GALNT13: variants seen among roughly 807,000 people sequenced by gnomAD.
GALNT13 encodes UDP-GalNAc:polypeptide N-acetylgalactosaminyltransferase 13.
GALNT13 carries 28 observed loss-of-function variants against 64.2 expected under a neutral mutation model. The observed-to-expected ratio is 0.44, with a 90% CI of 0.32 to 0.60. The LOEUF (loss-of-function observed/expected upper bound fraction) is 0.60, where lower values mean the gene tolerates loss of function less well. Ranked by LOEUF, GALNT13 falls within the 20% of genes least tolerant of loss-of-function variation. The probability of loss-of-function intolerance (pLI) is 0.05; values close to 1 mark genes in which losing one functional copy is unlikely to be tolerated. For synonymous variants in GALNT13, 214 were observed against 224.6 expected (o/e 0.95, Z 0.42); for missense variants, 577 against 669.8 (o/e 0.86, Z 1.53).
chr2:154,086,411 T>C (rs1322893009), intron 3 of GALNT13, among the ~76,000 whole-genome samples: 5 of 148,240 alleles, frequency 3.4e-5, no homozygotes, highest in Admixed American at 2.7e-4. Flanking sequence ...ATTATGTAAA[T>C]ATATAGAGTA....
the GALNT13 span, among the ~76,000 whole-genome samples, chr2:153,436,196 T>G: frequency 6.6e-6 from 1 of 152,222 alleles, no homozygotes; most frequent in Non-Finnish European, 1.5e-5. Context: ...TCATGGTAGA[T>G]AAGCTTTTTG....
At chr2:154,018,293 T>C (rs917749433) in intron 3 of GALNT13, among the ~76,000 whole-genome samples, 1 of 152,164 alleles carries the variant, frequency 6.6e-6, no homozygotes, top group African/African-American at 2.4e-5. Context: ...CTCCCAACCA[T>C]AGGAGAAGGA....
chr2:153,092,255 T>C, the GALNT13 span, among the ~76,000 whole-genome samples: 1 of 152,214 alleles, frequency 6.6e-6, no homozygotes, highest in Admixed American at 6.5e-5. Flanking sequence ...CTCTAGAGTA[T>C]AATTTGAAGT....
chr2:154,249,930 T>C (rs925405616), intron 7 of GALNT13, among the ~76,000 whole-genome samples: 3 of 152,132 alleles, frequency 2.0e-5, no homozygotes, highest in African/African-American at 7.2e-5. Context: ...TTAGTATCTC[T>C]GATTATAATT....
chr2:153,104,875 CCTTTT>C, the GALNT13 span, among the ~76,000 whole-genome samples: 2 of 151,926 alleles, frequency 1.3e-5, no homozygotes, highest in Non-Finnish European at 2.9e-5. Flanking sequence ...AACTGCACTT[CCTTTT>C]CTTTTTTTTA....
At chr2:154,063,926 G>T (rs1168416835) in intron 3 of GALNT13, among the ~76,000 whole-genome samples, 1 of 152,114 alleles carries the variant, frequency 6.6e-6, no homozygotes, top group Admixed American at 6.5e-5. Context: ...CACCAGTCAG[G>T]TAAGCCATGA....
At chr2:153,334,916 T>A in the GALNT13 span, among the ~76,000 whole-genome samples, 1 of 152,148 alleles carries the variant, frequency 6.6e-6, no homozygotes, top group Admixed American at 6.5e-5. Context: ...TTAAATTGTA[T>A]CTCCCAGAAT....
At chr2:153,150,837 T>TGGTTTTG in the GALNT13 span, among the ~76,000 whole-genome samples, 1 of 152,134 alleles carries the variant, frequency 6.6e-6, no homozygotes, top group African/African-American at 2.4e-5. Context: ...TTTATATCTC[T>TGGTTTTG]GTTTTGGTAT....
rs544715483 is a variant in GALNT13, at chr2:154,291,325, G to A, written c.976-10084G>A. On this transcript the variant is annotated intron_variant, in intron 8 of 12. Transcript: ENST00000392825. ...CTAGACACAGAGCACTGATTGGTGC[G>A]TTTACAAAACCTTTAGCTAGACACA... 1.1e-3 allele frequency among the ~76,000 whole-genome samples: 165 copies of A among 152,200 alleles called. 1 individual carries two copies. Among genetic ancestry groups the A allele is most frequent in the African/African-American group, 2.8e-3 (118 of 41,562 alleles).
intron 9 of GALNT13, among the ~76,000 whole-genome samples, chr2:154,304,722 T>C (rs945972599): frequency 6.6e-6 from 1 of 152,220 alleles, no homozygotes; most frequent in Non-Finnish European, 1.5e-5. Context: ...AGGGACTGTT[T>C]GTATATCCTG....
chr2:153,562,684 T>C, the GALNT13 span, among the ~76,000 whole-genome samples: 3 of 152,318 alleles, frequency 2.0e-5, no homozygotes, highest in Admixed American at 6.5e-5. Context: ...CTTGCAAATT[T>C]ATAACAGTAA....
chr2:153,488,293 G>A, the GALNT13 span, among the ~76,000 whole-genome samples: 6 of 152,308 alleles, frequency 3.9e-5, no homozygotes, highest in African/African-American at 1.4e-4. Context: ...GGCTCTTTTT[G>A]TTGTAGTCTG....
the GALNT13 span, among the ~76,000 whole-genome samples, chr2:153,172,403 A>C: frequency 6.6e-6 from 1 of 152,128 alleles, no homozygotes; most frequent in African/African-American, 2.4e-5. Flanking sequence ...CAGAAAACAT[A>C]GTGATTGCAG....
chr2:153,527,730 G>A, the GALNT13 span, among the ~76,000 whole-genome samples: 95 of 152,062 alleles, frequency 6.2e-4, no homozygotes, highest in Middle Eastern at 6.8e-3. Context: ...TTCCAGACAT[G>A]GACAGTATCA....
chr2:153,642,544 G>A, the GALNT13 span, among the ~76,000 whole-genome samples: 2 of 151,944 alleles, frequency 1.3e-5, no homozygotes, highest in East Asian at 1.9e-4. Flanking sequence ...TTCTAAAATG[G>A]TGTGTATCTA....
At chr2:153,302,497 A>G in the GALNT13 span, among the ~76,000 whole-genome samples, 1 of 151,920 alleles carries the variant, frequency 6.6e-6, no homozygotes, top group Non-Finnish European at 1.5e-5. Flanking sequence ...TGCAAATATT[A>G]TTTTCACATT....
chr2:154,063,360 A>G (rs545137643), intron 3 of GALNT13, among the ~76,000 whole-genome samples: 1 of 152,250 alleles, frequency 6.6e-6, no homozygotes, highest in East Asian at 1.9e-4. Flanking sequence ...TTTCATTGAT[A>G]ACCTCTACTG....
chr2:154,138,943 A>G (rs369540394), intron 3 of GALNT13, among the ~76,000 whole-genome samples: 1 of 152,120 alleles, frequency 6.6e-6, no homozygotes. Context: ...AAAGTGAATG[A>G]TAATCTTTGT....
At chr2:153,840,473 A>C in the GALNT13 span, among the ~76,000 whole-genome samples, 1 of 152,142 alleles carries the variant, frequency 6.6e-6, no homozygotes, top group Non-Finnish European at 1.5e-5. Flanking sequence ...CATATTGAGA[A>C]GGAGAAAATG....
Sources: gnomAD v4.1 joint callset for allele counts (sites outside exome capture counted in the v4.1 genomes callset) on GRCh38, gnomAD v4.1.1 for gene constraint, MANE v1.5 for transcripts, NCBI Gene and HGNC (gene_info 2026-07-23, HGNC 2026-07-21) for gene names.